Variants in CUTC observed in about 807,000 individuals in gnomAD.
CUTC encodes the protein cutC copper transporter.
Under a neutral mutation model 36.2 loss-of-function variants are expected in CUTC, and 27 were observed. The observed-to-expected ratio is 0.75, with a 90% CI of 0.55 to 1.03. The LOEUF is 1.03. CUTC is among the 50% of genes least tolerant of loss of function. The probability of loss-of-function intolerance (pLI) is 0.00; values close to 1 mark genes in which losing one functional copy is unlikely to be tolerated. For synonymous variants in CUTC, 114 were observed against 118.3 expected (o/e 0.96, Z 0.24); for missense variants, 315 against 343.5 (o/e 0.92, Z 0.66).
Position 99,732,364 on chromosome 10 carries a change from G to A in CUTC, c.16G>A (p.Ala6Thr), listed in dbSNP as rs902864447. MKRQG[A>T]SSERKRARIP... ...CGCGTGGAGCATGAAAAGGCAGGGGGCCTCCTCTGAGCGAAAACGAGCGCG... is the reference window on the plus strand; with the variant it reads ...CGCGTGGAGCATGAAAAGGCAGGGGACCTCCTCTGAGCGAAAACGAGCGCG... The change falls in exon 1 of 9, where the codon GCC becomes ACC. Residue 6 changes from alanine (A) to threonine (T), a missense_variant. By Grantham distance (58) the Ala-to-Thr change is moderately conservative. Coordinates refer to ENST00000370476, the MANE Select transcript of CUTC (RefSeq NM_015960.3). 3.4e-5 allele frequency: 53 copies of A among 1,553,102 alleles called. No homozygotes were observed. The highest frequency in any genetic ancestry group is 4.2e-5 in the Non-Finnish European group (48 of 1,148,122).
rs138967622 is a variant in CUTC, at chr10:99,742,357, A to G, written c.194-796A>G. Among the ~76,000 whole-genome samples, 132 of 152,222 alleles carry G rather than the reference A, an allele frequency of 8.7e-4. 3 individuals are homozygous for G. In the East Asian group the frequency reaches 0.024, roughly 28 times the overall value. On this transcript the variant is annotated intron_variant, in intron 3 of 8. Coordinates refer to ENST00000370476, the MANE Select transcript of CUTC (RefSeq NM_015960.3). ...GCATTATTTAATGTAAAAAGTTTGT[A>G]TACACAACAGCCCTTTGGAATCTTC...
At chr10:99,741,958 C>G (rs2037344827) in intron 3 of CUTC, among the ~76,000 whole-genome samples, 1 of 152,150 alleles carries the variant, frequency 6.6e-6, no homozygotes, top group Admixed American at 6.5e-5. Context: ...CCTGTACTGT[C>G]TCCTATAAAC....
At chr10:99,743,762 G>T (rs578241612) in intron 4 of CUTC, among the ~76,000 whole-genome samples, 2 of 152,190 alleles carry the variant, frequency 1.3e-5, no homozygotes, top group South Asian at 2.1e-4. Flanking sequence ...GACCTCAGAG[G>T]GACAAGTATT....
chr10:99,754,358 T>G (rs1441411972), intron 7 of CUTC, among the ~76,000 whole-genome samples, 171 bp from the exon 8 acceptor site: 1 of 152,228 alleles, frequency 6.6e-6, no homozygotes, highest in Non-Finnish European at 1.5e-5. Flanking sequence ...GTAGCCTATA[T>G]ATCTTTTATC....
chr10:99,754,351 G>C (rs921027704), intron 7 of CUTC, among the ~76,000 whole-genome samples, 178 bp from the exon 8 acceptor site: 4 of 152,208 alleles, frequency 2.6e-5, no homozygotes, highest in South Asian at 2.1e-4. Context: ...AGAGTCTGTA[G>C]CCTATATATC....
chr10:99,732,582 C>A, intron 1 of CUTC, 173 bp downstream of exon 1: 1 of 1,436,552 alleles, frequency 7.0e-7, no homozygotes. Flanking sequence ...GAGGGCGTGA[C>A]GAGGGGCAGG....
chr10:99,732,487 G>C, intron 1 of CUTC, 78 bp downstream of exon 1: 3 of 1,542,156 alleles, frequency 1.9e-6, no homozygotes, highest in Non-Finnish European at 2.6e-6. Context: ...AGTCAGTGGT[G>C]ATTTCTTCTG....
In CUTC at chr10:99,747,360, G is replaced by A. The variant is rs576910754; in HGVS notation, c.543G>A (p.Gly181=). ...GATGTGACAGTTCAGCATTAGAAGG[G>A]CTACCCCTAATAAAGCGACTCATTG... is the stretch of plus-strand genomic sequence containing the variant. ...TSGCDSSALE[G]LPLIKRLIEQ... Residue 181 remains glycine, a synonymous_variant, in exon 6 of 9, where the codon GGG becomes GGA. Coordinates refer to ENST00000370476, the MANE Select transcript of CUTC (RefSeq NM_015960.3). The A allele has an allele frequency of 5.0e-6, 8 of 1,614,158 alleles. No homozygotes were observed. Among genetic ancestry groups the A allele is most frequent in the African/African-American group, 4.0e-5 (3 of 75,034 alleles).
At chr10:99,746,459 A>C (rs2037378307) in intron 5 of CUTC, among the ~76,000 whole-genome samples, 1 of 152,144 alleles carries the variant, frequency 6.6e-6, no homozygotes, top group African/African-American at 2.4e-5. Flanking sequence ...CAAACTCCCA[A>C]GACACGGGTT....
rs367767082 is a variant in CUTC at position 99,747,338 on chromosome 10, G to A, written c.521G>A (p.Cys174Tyr). 3 of 1,614,226 alleles carry A rather than the reference G, an allele frequency of 1.9e-6. No homozygotes were observed. Among genetic ancestry groups the A allele is most frequent in the Non-Finnish European group, 2.5e-6 (3 of 1,180,038 alleles). ...LGFERVLTSG[C>Y]DSSALEGLPL... ...TTTGAACGCGTGTTGACCAGTGGAT[G>A]TGACAGTTCAGCATTAGAAGGGCTA... is the stretch of plus-strand genomic sequence containing the variant. Residue 174 changes from cysteine (C) to tyrosine (Y), a missense_variant, in exon 6 of 9, where the codon TGT becomes TAT. Transcript: ENST00000370476.
At position 99,750,359 on chromosome 10, in the gene CUTC, C is replaced by CT. The variant is rs2037407344; in HGVS notation, c.574-4dup. On this transcript the variant is annotated splice_polypyrimidine_tract_variant and intron_variant, in intron 6 of 8. Transcript: ENST00000370476. ...TTAAAATTCACTTGTTTTTTTTTTT[C>CT]TTTTTTCAGGCAAAAGGCAGGATTG... 6.6e-7 allele frequency: 1 copy of CT among 1,514,094 alleles called. No homozygotes were observed. The highest frequency in any genetic ancestry group is 1.2e-5 in the South Asian group (1 of 81,206). The allele number at this position is 1,514,094 out of a possible 1,614,324, so 93.8% of individuals were successfully genotyped here.
At chr10:99,736,386 C>A in intron 2 of CUTC, 69 bp downstream of exon 2, 1 of 1,183,374 alleles carries the variant, frequency 8.5e-7, no homozygotes. Flanking sequence ...ATCCTGTGTG[C>A]TTATCTCAGA....
chr10:99,747,375 G>A lies in CUTC; in HGVS notation c.558G>A (p.Lys186=), dbSNP rs1171252585. 1 of 1,614,172 alleles carries A rather than the reference G, an allele frequency of 6.2e-7. No homozygotes were observed. The highest frequency in any genetic ancestry group is 1.1e-5 in the South Asian group (1 of 91,080). ...CATTAGAAGGGCTACCCCTAATAAA[G>A]CGACTCATTGAGCAGGTACGTGGAC... ...SSALEGLPLI[K]RLIEQAKGRI... The change falls in exon 6 of 9, where the codon AAG becomes AAA. Residue 186 remains lysine, a synonymous_variant. Transcript: ENST00000370476.
chr10:99,735,697 C>T (rs1378764965), intron 1 of CUTC, among the ~76,000 whole-genome samples: 2 of 152,186 alleles, frequency 1.3e-5, no homozygotes, highest in Non-Finnish European at 2.9e-5. Flanking sequence ...CATGAGCCAT[C>T]ACACCCGGCC....
At position 99,755,685 on chromosome 10, in the gene CUTC, A is replaced by C; in HGVS notation, c.768A>C (p.Thr256=). Residue 256 remains threonine (T), a synonymous_variant, in exon 9 of 9, where the codon ACA becomes ACC. Coordinates refer to ENST00000370476, the MANE Select transcript of CUTC (RefSeq NM_015960.3). ...GCTCAGAATATTCCCTAAAGGTAAC[A>C]GATGTGACCAAAGTAAGGACTTTGA... ...LSCSEYSLKV[T]DVTKVRTLNA... 1 of 1,614,048 alleles carries C rather than the reference A, an allele frequency of 6.2e-7. No individual in the cohort carries two copies. Among genetic ancestry groups the C allele is most frequent in the Non-Finnish European group, 8.5e-7 (1 of 1,179,940 alleles).
intron 1 of CUTC, 101 bp downstream of exon 1, chr10:99,732,510 C>A: frequency 6.6e-7 from 1 of 1,523,554 alleles, no homozygotes. Flanking sequence ...GTCGTTTCCT[C>A]AGCTCCTTCC....
At chr10:99,733,342 A>T (rs1439354919) in intron 1 of CUTC, among the ~76,000 whole-genome samples, 2 of 152,134 alleles carry the variant, frequency 1.3e-5, no homozygotes, top group Non-Finnish European at 2.9e-5. Context: ...ACAAAATTTT[A>T]AAATATTGAT....
intron 2 of CUTC, among the ~76,000 whole-genome samples, chr10:99,738,914 A>G (rs2037318810): frequency 6.6e-6 from 1 of 152,138 alleles, no homozygotes; most frequent in Non-Finnish European, 1.5e-5. Flanking sequence ...AAATGGTGAC[A>G]TTTATTTTTC....
chr10:99,747,924 T>C (rs1192409628), intron 6 of CUTC, among the ~76,000 whole-genome samples: 1 of 152,230 alleles, frequency 6.6e-6, no homozygotes, highest in Non-Finnish European at 1.5e-5. Context: ...ACTAAAATTA[T>C]AATCTTATTT....
Sources: gnomAD v4.1 joint callset for allele counts (sites outside exome capture counted in the v4.1 genomes callset) on GRCh38, gnomAD v4.1.1 for gene constraint, MANE v1.5 for transcripts, NCBI Gene and HGNC (gene_info 2026-07-23, HGNC 2026-07-21) for gene names.